The following FOXP1 variants were observed in gnomAD, a reference collection of about 807,000 sequenced individuals.
The protein encoded by FOXP1 is forkhead box P1.
FOXP1 carries 15 observed loss-of-function variants against 98.2 expected under a neutral mutation model. That is an observed-to-expected ratio of 0.15 (90% CI 0.10 to 0.24). The LOEUF (loss-of-function observed/expected upper bound fraction) is 0.24. Among genes scored for constraint, FOXP1 ranks in the 10% least tolerant of loss-of-function variants. The pLI is 1.00. For synonymous variants in FOXP1, 371 were observed against 314.5 expected (o/e 1.18, Z -1.90); for missense variants, 633 against 848.5 (o/e 0.75, Z 3.15).
intron 3 of FOXP1, among the ~76,000 whole-genome samples, chr3:71,481,077 CA>C (rs2090239970): frequency 6.6e-6 from 1 of 152,060 alleles, no homozygotes; most frequent in African/African-American, 2.4e-5. Flanking sequence ...CATATATATA[CA>C]AAAAAGTTCA....
intron 6 of FOXP1, among the ~76,000 whole-genome samples, chr3:71,160,901 A>C (rs977898225): frequency 6.6e-6 from 1 of 152,246 alleles, no homozygotes; most frequent in Non-Finnish European, 1.5e-5. Context: ...ATTGAACTAC[A>C]GAAGCCTGAG....
chr3:71,291,348 A>C (rs565634616), intron 5 of FOXP1, among the ~76,000 whole-genome samples: 1 of 152,268 alleles, frequency 6.6e-6, no homozygotes, highest in Non-Finnish European at 1.5e-5. Context: ...TAATCGATGA[A>C]GAAAAATTAT....
chr3:71,440,639 T>C (rs1200907567), intron 3 of FOXP1, among the ~76,000 whole-genome samples: 1 of 149,408 alleles, frequency 6.7e-6, no homozygotes, highest in Non-Finnish European at 1.5e-5. Flanking sequence ...GAGGTTGCAG[T>C]GAGCCAAGGT....
intron 6 of FOXP1, among the ~76,000 whole-genome samples, chr3:71,176,100 T>C (rs1576214056): frequency 6.6e-6 from 1 of 152,192 alleles, no homozygotes; most frequent in East Asian, 1.9e-4. Flanking sequence ...ACCAGAAATA[T>C]TTTATCCAAA....
At chr3:71,341,635 G>A (rs746705541) in intron 4 of FOXP1, among the ~76,000 whole-genome samples, 2 of 152,206 alleles carry the variant, frequency 1.3e-5, no homozygotes, top group Non-Finnish European at 2.9e-5. Context: ...GTAGGCGGAG[G>A]TTGCTGTGAG....
chr3:71,493,330 A>G (rs954511406), intron 3 of FOXP1, 96 bp downstream of exon 3: 9 of 152,204 alleles, frequency 5.9e-5, no homozygotes, highest in African/African-American at 1.9e-4. Context: ...CCTTCTTTCA[A>G]GATAAGAATC....
chr3:71,392,368 C>A (rs999991636), intron 3 of FOXP1, among the ~76,000 whole-genome samples: 4 of 152,102 alleles, frequency 2.6e-5, no homozygotes, highest in African/African-American at 9.7e-5. Context: ...AAAAGAAATT[C>A]TCTAAAAATA....
chr3:70,972,184 G>GGAT (rs2036408271), intron 18 of FOXP1: 2 of 1,519,404 alleles, frequency 1.3e-6, no homozygotes, highest in African/African-American at 2.8e-5. Flanking sequence ...TGGCACCCTG[G>GGAT]GATAGGAGCA....
intron 3 of FOXP1, among the ~76,000 whole-genome samples, chr3:71,478,498 G>A (rs1442315156): frequency 6.6e-6 from 1 of 152,084 alleles, no homozygotes; most frequent in African/African-American, 2.4e-5. Flanking sequence ...AACAAAATAT[G>A]CTTAAAAAAA....
rs117172252 is a variant in FOXP1 at position 71,542,522 on chromosome 3, G to A, written c.-298+39027C>T. ...AGAGGCTAAGTTGAGGCACTTGAGT[G>A]CATTCCCGAAAATGATTTCCCTGCC... On this transcript the variant is annotated intron_variant, in intron 2 of 20. Coordinates refer to ENST00000649528, the MANE Select transcript of FOXP1 (RefSeq NM_001349338.3). Among the ~76,000 whole-genome samples, 9 of 152,372 alleles carry A rather than the reference G, an allele frequency of 5.9e-5. No individual in the cohort carries two copies. In the East Asian group the frequency reaches 1.7e-3, roughly 29 times the overall value.
At chr3:71,511,844 T>A (rs559056399) in intron 2 of FOXP1, among the ~76,000 whole-genome samples, 42 of 151,638 alleles carry the variant, frequency 2.8e-4, no homozygotes, top group Non-Finnish European at 4.4e-5. Context: ...AAGCCATGCA[T>A]GTATATATAG....
chr3:70,970,920 G>C lies in FOXP1; in HGVS notation c.1653-115C>G, dbSNP rs1575742408. ...TCCAAATGAGCAATTTCCCCCACTA[G>C]CAAAACCCAAGAAAAGTCAGGCTTT... On this transcript the variant is annotated intron_variant, in intron 18 of 20. Coordinates refer to ENST00000649528, the MANE Select transcript of FOXP1 (RefSeq NM_001349338.3). 1.0e-5 allele frequency: 8 copies of C among 796,630 alleles called. No homozygotes were observed. In the East Asian group the frequency reaches 2.0e-4, roughly 20 times the overall value. 49.3% of individuals were successfully genotyped at this position (796,630 alleles called of 1,614,324 possible). A position where few individuals can be genotyped will look rare whatever the true frequency, so the allele number is the denominator to read the frequency against.
chr3:71,296,506 A>C (rs2073311777), intron 5 of FOXP1: 1 of 152,242 alleles, frequency 6.6e-6, no homozygotes, highest in Non-Finnish European at 1.5e-5. Context: ...CCTTGTTCAA[A>C]GGTAAAAATT....
intron 6 of FOXP1, among the ~76,000 whole-genome samples, chr3:71,173,493 A>G (rs768748425): frequency 6.6e-6 from 1 of 152,160 alleles, no homozygotes; most frequent in Non-Finnish European, 1.5e-5. Flanking sequence ...CTGATGCAAC[A>G]TATTAGCTGT....
chr3:71,425,070 A>G (rs1260256173), intron 3 of FOXP1, among the ~76,000 whole-genome samples: 1 of 151,996 alleles, frequency 6.6e-6, no homozygotes, highest in East Asian at 1.9e-4. Flanking sequence ...TCAGACAATA[A>G]TCTACAAGGT....
chr3:71,313,983 C>G (rs531504119), intron 4 of FOXP1, among the ~76,000 whole-genome samples: 6 of 152,222 alleles, frequency 3.9e-5, no homozygotes, highest in African/African-American at 1.2e-4. Context: ...GCTGACTGAC[C>G]TTGTGAGCTT....
intron 3 of FOXP1, among the ~76,000 whole-genome samples, chr3:71,444,042 C>T (rs1033393349): frequency 3.3e-5 from 5 of 152,194 alleles, no homozygotes; most frequent in African/African-American, 1.2e-4. Flanking sequence ...TACTCACTCC[C>T]TATGCACTAT....
At chr3:71,381,522 G>A (rs1424361562) in intron 3 of FOXP1, among the ~76,000 whole-genome samples, 7 of 147,850 alleles carry the variant, frequency 4.7e-5, no homozygotes, top group East Asian at 2.0e-4. Context: ...AGCTCACTGC[G>A]GCCTCAACCT....
intron 2 of FOXP1, among the ~76,000 whole-genome samples, chr3:71,551,512 A>G (rs1459960194): frequency 1.3e-5 from 2 of 152,254 alleles, no homozygotes; most frequent in African/African-American, 4.8e-5. Flanking sequence ...CAGACAGATT[A>G]CAAAGATGAT....
Sources: allele counts gnomAD v4.1 joint callset (sites outside exome capture counted in the v4.1 genomes callset), GRCh38; gene constraint gnomAD v4.1.1; transcripts MANE v1.5; gene names NCBI Gene and HGNC (gene_info 2026-07-23, HGNC 2026-07-21).